TOM1L2: variants seen among roughly 807,000 people sequenced by gnomAD.
TOM1L2 encodes target of myb1 like 2 membrane trafficking protein, also known as TOM1-like protein 2.
In TOM1L2, 31 loss-of-function variants were observed where a neutral mutation model predicts 67.9. The observed-to-expected ratio is 0.46, with a 90% confidence interval of 0.34 to 0.62. The LOEUF is 0.62. Ranked by LOEUF, TOM1L2 falls within the 20% of genes least tolerant of loss-of-function variation. The pLI, the probability that TOM1L2 is intolerant of heterozygous loss-of-function variation, is 0.01. For synonymous variants in TOM1L2, 256 were observed against 254.0 expected (o/e 1.01, Z -0.07); for missense variants, 606 against 663.5 (o/e 0.91, Z 0.95).
intron 1 of TOM1L2, among the ~76,000 whole-genome samples, chr17:17,914,242 G>A (rs1260091013): frequency 6.6e-6 from 1 of 152,134 alleles, no homozygotes; most frequent in Non-Finnish European, 1.5e-5. Flanking sequence ...AGCACACCTG[G>A]GGCTCATTCT....
At chr17:17,857,861 A>G (rs1371481976) in intron 12 of TOM1L2, 1 of 1,535,622 alleles carries the variant, frequency 6.5e-7, no homozygotes, top group Non-Finnish European at 8.7e-7. Context: ...AAAGTCTCAG[A>G]AAGAAAAGTC....
At chr17:17,935,105 T>C (rs2040468800) in intron 1 of TOM1L2, among the ~76,000 whole-genome samples, 1 of 152,230 alleles carries the variant, frequency 6.6e-6, no homozygotes, top group Non-Finnish European at 1.5e-5. Flanking sequence ...GTTTTTCCAA[T>C]TGGTACATTC....
chr17:17,866,402 G>A lies in TOM1L2; in HGVS notation c.978C>T (p.Thr326=), dbSNP rs779386287. ...GCCCCAGGTCTATTAAGTTGTCTTC[G>A]GTTACTTCATTCAGTACCTGTCAGA... ...NASNGVLNEV[T]EDNLIDLGPG... Residue 326 remains threonine, a synonymous_variant, in exon 10 of 15, where the codon ACC becomes ACT. Coordinates refer to ENST00000379504, the MANE Select transcript of TOM1L2 (RefSeq NM_001082968.2). 1.5e-5 allele frequency: 24 copies of A among 1,601,852 alleles called. No homozygotes were observed. The highest frequency in any genetic ancestry group is 8.0e-5 in the African/African-American group (6 of 74,738).
chr17:17,895,465 A>T (rs2038520378), intron 3 of TOM1L2, among the ~76,000 whole-genome samples: 1 of 152,228 alleles, frequency 6.6e-6, no homozygotes, highest in Admixed American at 6.5e-5. Context: ...GAATGCGACT[A>T]TATGCCAGGC....
intron 1 of TOM1L2, among the ~76,000 whole-genome samples, chr17:17,941,317 G>A (rs898353218): frequency 4.6e-5 from 7 of 152,088 alleles, no homozygotes; most frequent in South Asian, 2.1e-4. Flanking sequence ...AAGAGGACTG[G>A]TCGCAGTCCA....
At chr17:17,925,349 G>A (rs1310789872) in intron 1 of TOM1L2, among the ~76,000 whole-genome samples, 1 of 152,094 alleles carries the variant, frequency 6.6e-6, no homozygotes, top group Non-Finnish European at 1.5e-5. Context: ...TATGGATAAT[G>A]CCTGGAAGAT....
intron 7 of TOM1L2, among the ~76,000 whole-genome samples, chr17:17,876,591 A>G (rs1568135156): frequency 1.3e-5 from 2 of 152,212 alleles, no homozygotes; most frequent in Non-Finnish European, 2.9e-5. Context: ...AACAATAGTC[A>G]CGAAAGCTAG....
At chr17:17,856,416 G>A (rs1222755311) in intron 12 of TOM1L2, among the ~76,000 whole-genome samples, 5 of 152,272 alleles carry the variant, frequency 3.3e-5, no homozygotes, top group Non-Finnish European at 7.3e-5. Flanking sequence ...CAGGCTGACA[G>A]CAGAGCTGTG....
chr17:17,893,969 A>T (rs2038426175), intron 3 of TOM1L2, among the ~76,000 whole-genome samples, 159 bp from the exon 4 acceptor site: 8 of 152,180 alleles, frequency 5.3e-5, no homozygotes, highest in Admixed American at 5.2e-4. Context: ...TGGCACACGC[A>T]TTCCCACACT....
chr17:17,907,400 C>G (rs1204418389), intron 2 of TOM1L2, 47 bp downstream of exon 2: 4 of 1,571,904 alleles, frequency 2.5e-6, no homozygotes. Context: ...CTTTGAGTGG[C>G]CCCTAAAAGC....
At chr17:17,945,296 T>A (rs532050686) in intron 1 of TOM1L2, among the ~76,000 whole-genome samples, 12 of 151,646 alleles carry the variant, frequency 7.9e-5, no homozygotes, top group African/African-American at 2.7e-4. Flanking sequence ...ACACACTCTC[T>A]CTCTCTCTCT....
intron 1 of TOM1L2, among the ~76,000 whole-genome samples, chr17:17,929,191 G>A (rs571844121): frequency 3.9e-5 from 6 of 152,304 alleles, no homozygotes; most frequent in South Asian, 2.1e-4. Flanking sequence ...AGCGTCAGGC[G>A]GGGAAGTCAA....
intron 2 of TOM1L2, among the ~76,000 whole-genome samples, chr17:17,905,154 G>A (rs1448359440): frequency 6.6e-6 from 1 of 152,170 alleles, no homozygotes; most frequent in Non-Finnish European, 1.5e-5. Context: ...TCACGTCTGT[G>A]TACCAGGCAC....
intron 12 of TOM1L2, among the ~76,000 whole-genome samples, chr17:17,854,536 T>C (rs185469975): frequency 6.6e-6 from 1 of 152,142 alleles, no homozygotes; most frequent in African/African-American, 2.4e-5. Flanking sequence ...ATTAATTAAT[T>C]TATTTAGAGA....
Position 17,866,360 on chromosome 17 carries a change from C to T in TOM1L2, c.1020G>A (p.Val340=). The change falls in exon 10 of 15, where the codon GTG becomes GTA. Residue 340 remains valine (V), a synonymous_variant. Transcript: ENST00000379504. ...CTGTGTTCCCCACCATTGGGCTCAC[C>T]ACGGCTGGAGACCCTGGCCCCAGGT... ...LIDLGPGSPA[V]VSPMVGNTAP... is the part of the protein sequence containing the mutation. 3.1e-6 allele frequency: 5 copies of T among 1,610,560 alleles called. No homozygotes were observed. The highest frequency in any genetic ancestry group is 4.2e-6 in the Non-Finnish European group (5 of 1,178,368).
rs531041980 is a variant in TOM1L2, at chr17:17,943,490, G to C, written c.52+28772C>G. ...ACTTGGGTATGGAGAGAATGTGGAT[G>C]ATCCAAAAGAGAATGTAGGAATGTG... On this transcript the variant is annotated intron_variant, in intron 1 of 14. Transcript: ENST00000379504. Among the ~76,000 whole-genome samples the C allele has an allele frequency of 1.2e-4, 18 of 152,306 alleles. No homozygotes were observed. The South Asian group carries it at 3.7e-3, about 32-fold the overall frequency.
At chr17:17,865,809 A>G (rs981864926) in intron 10 of TOM1L2, among the ~76,000 whole-genome samples, 3 of 137,554 alleles carry the variant, frequency 2.2e-5, no homozygotes, top group South Asian at 4.5e-4. Context: ...CAATGATGCG[A>G]TATCGGCTCA....
In TOM1L2 at chr17:17,847,488, G is replaced by C; in HGVS notation, c.*147C>G. 9.3e-7 allele frequency: 1 copy of C among 1,072,330 alleles called. No individual in the cohort carries two copies. Among genetic ancestry groups the C allele is most frequent in the Non-Finnish European group, 1.3e-6 (1 of 763,324 alleles). 66.4% of individuals were successfully genotyped at this position (1,072,330 alleles called of 1,614,324 possible). A position where few individuals can be genotyped will look rare whatever the true frequency, so the allele number is the denominator to read the frequency against. ...GGCTGAAGCTGGTCCTGACTAGTGG[G>C]AGGCCTGGGAGCAGACACGGTGGCA... On this transcript the variant is annotated 3_prime_UTR_variant, in exon 15 of 15. Coordinates refer to ENST00000379504, the MANE Select transcript of TOM1L2 (RefSeq NM_001082968.2).
At chr17:17,900,291 G>GCA (rs1400006327) in intron 2 of TOM1L2, among the ~76,000 whole-genome samples, 1 of 148,686 alleles carries the variant, frequency 6.7e-6, no homozygotes, top group African/African-American at 2.5e-5. Flanking sequence ...AGGCCGAGAT[G>GCA]GGTGGATCAC....
Sources: allele counts gnomAD v4.1 joint callset (sites outside exome capture counted in the v4.1 genomes callset), GRCh38; gene constraint gnomAD v4.1.1; transcripts MANE v1.5; gene names NCBI Gene and HGNC (gene_info 2026-07-23, HGNC 2026-07-21).